PCDHGB2: variants seen among roughly 807,000 people sequenced by gnomAD.
The protein encoded by PCDHGB2 is protocadherin gamma subfamily B, 2.
Under a neutral mutation model 59.3 loss-of-function variants are expected in PCDHGB2, and 55 were observed. The observed-to-expected ratio is 0.93, with a 90% CI of 0.75 to 1.16. The LOEUF (loss-of-function observed/expected upper bound fraction) is 1.16, where lower values mean the gene tolerates loss of function less well. Ranked by LOEUF, PCDHGB2 falls within the 50% of genes most tolerant of loss-of-function variation. PCDHGB2 has a pLI of 0.00. For missense variants in PCDHGB2, 1,228 were observed against 1,198.5 expected (o/e 1.02, Z -0.36); for synonymous variants, 516 against 512.0 (o/e 1.01, Z -0.11).
chr5:141,418,669 C>G, intron 1 of PCDHGB2: 1 of 1,614,018 alleles, frequency 6.2e-7, no homozygotes, highest in Non-Finnish European at 8.5e-7. Flanking sequence ...CTGACCAGGA[C>G]GAGGGCATCA....
At chr5:141,367,748 C>T (rs1765315661) in intron 1 of PCDHGB2, 1 of 152,176 alleles carries the variant, frequency 6.6e-6, no homozygotes, top group African/African-American at 2.4e-5. Flanking sequence ...CAGAGAGTTA[C>T]ATACTGCTGC....
In PCDHGB2 at chr5:141,491,425, C is replaced by CA; in HGVS notation, c.2422-3381dup. The CA allele has an allele frequency of 6.2e-7, 1 of 1,614,076 alleles. No homozygotes were observed. The highest frequency in any genetic ancestry group is 8.5e-7 in the Non-Finnish European group (1 of 1,179,996). On this transcript the variant is annotated intron_variant, in intron 1 of 3. Coordinates refer to ENST00000522605, the MANE Select transcript of PCDHGB2 (RefSeq NM_018923.3). The surrounding 1 kb of genome is among the most constrained non-coding windows in gnomAD (Gnocchi z 6.9). ...CGCAGACGGGGACGGGGGTGGAGGG[C>CA]AGTGCTGCAGGCGCCAGGACTCACC...
At chr5:141,403,507 A>G (rs373170550) in intron 1 of PCDHGB2, 1 of 1,614,006 alleles carries the variant, frequency 6.2e-7, no homozygotes, top group Non-Finnish European at 8.5e-7. Context: ...TGCAGACTGG[A>G]GACAATGGAG....
At chr5:141,445,118 G>A (rs964726987) in intron 1 of PCDHGB2, among the ~76,000 whole-genome samples, 1 of 152,148 alleles carries the variant, frequency 6.6e-6, no homozygotes, top group Non-Finnish European at 1.5e-5. Flanking sequence ...ATTGTAAATA[G>A]TATTTTTAAA....
intron 1 of PCDHGB2, chr5:141,402,861 A>G (rs2094315270): frequency 7.0e-7 from 1 of 1,430,150 alleles, no homozygotes; most frequent in Non-Finnish European, 9.2e-7. Context: ...CTTCTAAGGA[A>G]AAGATCACCA....
intron 1 of PCDHGB2, among the ~76,000 whole-genome samples, chr5:141,460,995 A>G (rs566978077): frequency 1.1e-4 from 17 of 150,188 alleles, no homozygotes; most frequent in South Asian, 2.1e-4. Flanking sequence ...ATATATATAT[A>G]TGTGTATATA....
At chr5:141,365,909 G>A in intron 1 of PCDHGB2, 1 of 1,614,190 alleles carries the variant, frequency 6.2e-7, no homozygotes. Flanking sequence ...GCAGTTGAGA[G>A]ACCTACAGTT....
chr5:141,361,397 C>T lies in PCDHGB2; in HGVS notation c.1262C>T (p.Thr421Ile). The change falls in exon 1 of 4, where the codon ACC (threonine) becomes ATC (isoleucine). Residue 421 changes from threonine to isoleucine, a missense_variant. Thr to Ile is a moderately conservative substitution (Grantham distance 89). Coordinates refer to ENST00000522605, the MANE Select transcript of PCDHGB2 (RefSeq NM_018923.3). ...DREEIPEYNL[T>I]ITATDGGKPP... The stretch of plus-strand genomic sequence containing the variant: ...GAGGAGATCCCAGAATACAATCTCA[C>T]CATCACAGCCACCGACGGGGGCAAG... 1 of 1,614,008 alleles carries T rather than the reference C, an allele frequency of 6.2e-7. No individual in the cohort carries two copies. Among genetic ancestry groups the T allele is most frequent in the Non-Finnish European group, 8.5e-7 (1 of 1,179,894 alleles).
intron 1 of PCDHGB2, chr5:141,414,450 A>C (rs759840643): frequency 9.3e-6 from 15 of 1,613,772 alleles, no homozygotes. Context: ...ACAATATCAC[A>C]GTGACAGCCA....
chr5:141,428,124 C>T, intron 1 of PCDHGB2: 1 of 1,605,400 alleles, frequency 6.2e-7, no homozygotes, highest in South Asian at 1.1e-5. Context: ...CGAGCCCGGG[C>T]TTTTCAGCCT....
rs1487863444 is a variant in PCDHGB2 at position 141,491,016 on chromosome 5, G to A, written c.2422-3791G>A. On this transcript the variant is annotated intron_variant, in intron 1 of 3. Transcript: ENST00000522605. This position sits in a 1 kb window ranked among gnomAD's most constrained non-coding sequence, Gnocchi z 6.9. ...CTCCTGGCTCCTTGGTCACCAAGGTGACAGCCGTGGATGCTGATGCAGGCC... is the reference window on the plus strand; with the variant it reads ...CTCCTGGCTCCTTGGTCACCAAGGTAACAGCCGTGGATGCTGATGCAGGCC... 2.5e-6 allele frequency: 4 copies of A among 1,614,136 alleles called. No individual in the cohort carries two copies. The African/African-American group carries it at 5.3e-5, about 22-fold the overall frequency.
At chr5:141,385,135 G>T (rs948872903) in intron 1 of PCDHGB2, 7 of 1,614,214 alleles carry the variant, frequency 4.3e-6, no homozygotes, top group African/African-American at 2.7e-5. Context: ...CATGGACGGG[G>T]TGCAGGCTTT....
intron 1 of PCDHGB2, among the ~76,000 whole-genome samples, chr5:141,425,812 G>A (rs1472168775): frequency 6.6e-6 from 1 of 152,054 alleles, no homozygotes; most frequent in African/African-American, 2.4e-5. Context: ...CTTCTGCTTA[G>A]AAAAAAACAA....
intron 1 of PCDHGB2, chr5:141,364,874 G>A (rs368317740): frequency 6.2e-6 from 10 of 1,613,884 alleles, no homozygotes; most frequent in Non-Finnish European, 8.5e-6. Flanking sequence ...CTCTCTGGAT[G>A]TGGTAAGCGG....
chr5:141,410,311 C>T lies in PCDHGB2; in HGVS notation c.2421+47755C>T, dbSNP rs867067555. On this transcript the variant is annotated intron_variant, in intron 1 of 3. Coordinates refer to ENST00000522605, the MANE Select transcript of PCDHGB2 (RefSeq NM_018923.3). ...CCTTGGCCTTAATCTCAGTGCTCTT[C>T]CTCCTCGCCGTGATTCTGGCCATTG... 4 of 1,613,936 alleles carry T rather than the reference C, an allele frequency of 2.5e-6. No homozygotes were observed. In the African/African-American group the frequency reaches 5.3e-5, roughly 22 times the overall value.
intron 1 of PCDHGB2, chr5:141,388,825 C>G: frequency 6.2e-7 from 1 of 1,613,910 alleles, no homozygotes; most frequent in Non-Finnish European, 8.5e-7. Flanking sequence ...AAAGAATATT[C>G]CATAGTTTTG....
At chr5:141,393,458 G>T (rs181214352) in intron 1 of PCDHGB2, 4 of 1,613,902 alleles carry the variant, frequency 2.5e-6, no homozygotes, top group Non-Finnish European at 3.4e-6. Context: ...TCACGGCCTC[G>T]GATGGCGGCA....
At chr5:141,387,300 T>C (rs1171181488) in intron 1 of PCDHGB2, among the ~76,000 whole-genome samples, 1 of 152,224 alleles carries the variant, frequency 6.6e-6, no homozygotes, top group Non-Finnish European at 1.5e-5. Context: ...ATGTATCCAG[T>C]ATATTTCTAA....
Position 141,491,623 on chromosome 5 carries a change from G to T in PCDHGB2, c.2422-3184G>T. 1 of 1,613,930 alleles carries T rather than the reference G, an allele frequency of 6.2e-7. No homozygotes were observed. The highest frequency in any genetic ancestry group is 1.1e-5 in the South Asian group (1 of 91,084). On this transcript the variant is annotated intron_variant, in intron 1 of 3. Transcript: ENST00000522605. This position sits in a 1 kb window ranked among gnomAD's most constrained non-coding sequence, Gnocchi z 6.9. ...CTTCACTTTTCTAAGACCCCTCAGC[G>T]TTCAGCAGCCCACAGCTCTGGCGCT...
Sources: gnomAD v4.1 joint callset for allele counts (sites outside exome capture counted in the v4.1 genomes callset) on GRCh38, gnomAD v4.1.1 for gene constraint, Gnocchi (gnomAD v3.1) non-coding constraint, MANE v1.5 for transcripts, NCBI Gene and HGNC (gene_info 2026-07-23, HGNC 2026-07-21) for gene names.